Variants in PCDH11X observed in about 807,000 individuals in gnomAD.
PCDH11X encodes the protein protocadherin-11 X-linked.
A neutral mutation model predicts 53.3 loss-of-function variants in PCDH11X; 18 were observed. That is an observed-to-expected ratio of 0.34 (90% CI 0.23 to 0.50). PCDH11X has a LOEUF of 0.50. Ranked by LOEUF, PCDH11X falls within the 20% of genes least tolerant of loss-of-function variation. The probability of loss-of-function intolerance (pLI) is 0.98; values close to 1 mark genes in which losing one functional copy is unlikely to be tolerated. For missense variants in PCDH11X, 570 were observed against 1,032.4 expected (o/e 0.55, Z 6.14); for synonymous variants, 279 against 393.3 (o/e 0.71, Z 3.44).
At chrX:92,325,708 T>C (rs1033768357) in intron 8 of PCDH11X, among the ~76,000 whole-genome samples, 13 of 111,687 alleles carry the variant, frequency 1.2e-4, no homozygotes, top group Non-Finnish European at 2.1e-4. Flanking sequence ...AACTCCTTGA[T>C]TTAGCAGACA....
Position 92,200,956 on chromosome X carries a change from G to A in PCDH11X, c.3034-419G>A, listed in dbSNP as rs768679926. 1.1e-4 allele frequency among the ~76,000 whole-genome samples: 12 copies of A among 108,432 alleles called. No homozygotes were observed. In the South Asian group the frequency reaches 4.4e-3, roughly 40 times the overall value. The allele number at this position is 108,432 out of a possible 115,157, so 94.2% of individuals were successfully genotyped here. A position where few individuals can be genotyped will look rare whatever the true frequency, so the allele number is the denominator to read the frequency against. On this transcript the variant is annotated intron_variant, in intron 6 of 10. Transcript: ENST00000682573. ...AGACAAGGTCTTGCTCTGCTGCCCAGGTTAAAGTGCAGTGGCACAATCATA... is the reference window on the plus strand; with the variant it reads ...AGACAAGGTCTTGCTCTGCTGCCCAAGTTAAAGTGCAGTGGCACAATCATA...
At chrX:92,538,005 A>G (rs1240675097) in intron 10 of PCDH11X, among the ~76,000 whole-genome samples, 1 of 91,992 alleles carries the variant, frequency 1.1e-5, no homozygotes, top group Non-Finnish European at 2.1e-5. Context: ...GTTTATTTTC[A>G]GCAAATCAAA....
chrX:92,095,335 T>G (rs1313538300), intron 6 of PCDH11X, among the ~76,000 whole-genome samples: 3 of 111,390 alleles, frequency 2.7e-5, no homozygotes, highest in African/African-American at 9.8e-5. Context: ...TAATATTATG[T>G]TTTTTTCTCC....
chrX:91,791,567 C>T (rs1935538245), intron 1 of PCDH11X, among the ~76,000 whole-genome samples: 2 of 109,856 alleles, frequency 1.8e-5, no homozygotes, highest in Non-Finnish European at 3.8e-5. Context: ...GGGATTAAAA[C>T]TGGACATGAG....
chrX:91,930,240 G>A (rs1236372772), intron 6 of PCDH11X, among the ~76,000 whole-genome samples: 11 of 108,453 alleles, frequency 1.0e-4, no homozygotes, highest in Non-Finnish European at 1.7e-4. Flanking sequence ...GTAATAGGTA[G>A]AAATCTATTT....
intron 10 of PCDH11X, among the ~76,000 whole-genome samples, chrX:92,541,512 A>T (rs889280428): frequency 9.0e-6 from 1 of 111,163 alleles, no homozygotes; most frequent in Admixed American, 9.5e-5. Context: ...ATGTACTGTG[A>T]TTACTCACTT....
At chrX:91,936,194 G>A (rs1284916768) in intron 6 of PCDH11X, among the ~76,000 whole-genome samples, 1 of 107,626 alleles carries the variant, frequency 9.3e-6, no homozygotes, top group Non-Finnish European at 1.9e-5. Flanking sequence ...TCCTATCCAG[G>A]TACCTTATGA....
chrX:92,292,648 G>A (rs1162790125), intron 8 of PCDH11X, among the ~76,000 whole-genome samples: 1 of 111,484 alleles, frequency 9.0e-6, no homozygotes, highest in Non-Finnish European at 1.9e-5. Context: ...CTTTTGCTAT[G>A]TAATCTTTCT....
intron 6 of PCDH11X, chrX:92,113,175 C>T: frequency 9.3e-7 from 1 of 1,069,700 alleles, no homozygotes; most frequent in Non-Finnish European, 1.2e-6. Flanking sequence ...CCTTCCTTCC[C>T]CTCTCCTGCT....
chrX:91,964,245 T>C (rs2061833546), intron 6 of PCDH11X, among the ~76,000 whole-genome samples: 1 of 107,605 alleles, frequency 9.3e-6, no homozygotes, highest in Admixed American at 9.7e-5. Flanking sequence ...AAGCAATCTA[T>C]GGATTCAGTG....
intron 9 of PCDH11X, among the ~76,000 whole-genome samples, chrX:92,435,325 A>G (rs2072345534): frequency 9.0e-6 from 1 of 111,164 alleles, no homozygotes; most frequent in South Asian, 3.8e-4. Context: ...GACATCCCTG[A>G]AAGGTATGGG....
At chrX:92,105,084 A>C (rs1439684333) in intron 6 of PCDH11X, among the ~76,000 whole-genome samples, 1 of 111,687 alleles carries the variant, frequency 9.0e-6, no homozygotes, top group Non-Finnish European at 1.9e-5. Flanking sequence ...ATGATTAAAC[A>C]CCAAGGGAAG....
intron 1 of PCDH11X, among the ~76,000 whole-genome samples, chrX:91,793,026 A>C (rs1935607165): frequency 9.5e-6 from 1 of 104,788 alleles, no homozygotes; most frequent in Admixed American, 1.0e-4. Context: ...ACTAAAAGCA[A>C]TATCACTAAT....
intron 8 of PCDH11X, among the ~76,000 whole-genome samples, chrX:92,275,907 G>A (rs374339449): frequency 2.7e-5 from 3 of 110,366 alleles, no homozygotes; most frequent in East Asian, 5.7e-4. Flanking sequence ...TTTTATACTT[G>A]TGGGTTAAGG....
At chrX:92,295,701 T>A (rs2068590502) in intron 8 of PCDH11X, among the ~76,000 whole-genome samples, 1 of 97,406 alleles carries the variant, frequency 1.0e-5, no homozygotes, top group African/African-American at 3.7e-5. Flanking sequence ...TGTTGAATAT[T>A]ATCCCCATAA....
At chrX:91,966,017 T>G (rs945733521) in intron 6 of PCDH11X, among the ~76,000 whole-genome samples, 8 of 111,376 alleles carry the variant, frequency 7.2e-5, no homozygotes, top group African/African-American at 2.6e-4. Context: ...AATTAGGTTT[T>G]TATATAGTGG....
chrX:91,949,092 T>G (rs764230593), intron 6 of PCDH11X, among the ~76,000 whole-genome samples: 1 of 110,376 alleles, frequency 9.1e-6, no homozygotes, highest in Admixed American at 9.7e-5. Flanking sequence ...TACTTTGCAG[T>G]TCAGCACTTC....
chrX:92,378,790 G>T (rs1324308709), intron 8 of PCDH11X, among the ~76,000 whole-genome samples: 1 of 111,662 alleles, frequency 9.0e-6, no homozygotes, highest in Non-Finnish European at 1.9e-5. Flanking sequence ...GATTTATAAG[G>T]GATCTACCCT....
At chrX:92,243,025 TA>T (rs1261219666) in intron 7 of PCDH11X, among the ~76,000 whole-genome samples, 1 of 110,710 alleles carries the variant, frequency 9.0e-6, no homozygotes, top group African/African-American at 3.3e-5. Flanking sequence ...TTTTTTCAGA[TA>T]TGTGAATTGC....
Sources: gnomAD v4.1 joint callset for allele counts (sites outside exome capture counted in the v4.1 genomes callset) on GRCh38, gnomAD v4.1.1 for gene constraint, MANE v1.5 for transcripts, NCBI Gene and HGNC (gene_info 2026-07-23, HGNC 2026-07-21) for gene names.